Variants in SLC24A2 observed in about 807,000 individuals in gnomAD.
SLC24A2 encodes the protein solute carrier family 24 member 2.
SLC24A2 carries 36 observed loss-of-function variants against 62.0 expected under a neutral mutation model. That is an observed-to-expected ratio of 0.58 (90% CI 0.44 to 0.77). The LOEUF is 0.77. Among genes scored for constraint, SLC24A2 ranks in the 30% least tolerant of loss-of-function variants. The probability of loss-of-function intolerance (pLI) is 0.00; values close to 1 mark genes in which losing one functional copy is unlikely to be tolerated. For synonymous variants in SLC24A2, 358 were observed against 294.0 expected (o/e 1.22, Z -2.23); for missense variants, 846 against 817.9 (o/e 1.03, Z -0.42).
chr9:19,563,705 C>G (rs908647087), intron 7 of SLC24A2, among the ~76,000 whole-genome samples: 10 of 141,188 alleles, frequency 7.1e-5, no homozygotes, highest in Non-Finnish European at 1.2e-4. Flanking sequence ...TCCCTTACTT[C>G]CTTTTCCAAC....
chr9:20,071,784 G>A, the SLC24A2 span, among the ~76,000 whole-genome samples: 2 of 152,096 alleles, frequency 1.3e-5, no homozygotes, highest in African/African-American at 4.8e-5. Flanking sequence ...GGTGTCTGCT[G>A]CAGTCGCAAG....
At chr9:20,186,882 T>C in the SLC24A2 span, among the ~76,000 whole-genome samples, 7 of 152,208 alleles carry the variant, frequency 4.6e-5, no homozygotes, top group African/African-American at 1.7e-4. Context: ...CATCCATGCC[T>C]GTTTCTACAA....
chr9:19,823,268 T>C, the SLC24A2 span, among the ~76,000 whole-genome samples: 1 of 151,356 alleles, frequency 6.6e-6, no homozygotes, highest in Non-Finnish European at 1.5e-5. Flanking sequence ...AATTTATGAA[T>C]ACCCTCACCC....
intron 2 of SLC24A2, among the ~76,000 whole-genome samples, chr9:19,730,879 GTTTTT>G (rs67718224): frequency 6.7e-6 from 1 of 149,048 alleles, no homozygotes; most frequent in Admixed American, 6.7e-5. Flanking sequence ...TAACTCTTAG[GTTTTT>G]TTTTTTACCT....
At chr9:19,971,520 A>C in the SLC24A2 span, among the ~76,000 whole-genome samples, 1 of 152,180 alleles carries the variant, frequency 6.6e-6, no homozygotes, top group African/African-American at 2.4e-5. Context: ...ATTCTCACTT[A>C]AAAGAGATTA....
At chr9:19,668,086 T>C (rs1357501444) in intron 2 of SLC24A2, among the ~76,000 whole-genome samples, 1 of 152,208 alleles carries the variant, frequency 6.6e-6, no homozygotes, top group Non-Finnish European at 1.5e-5. Context: ...TTCTAAGTCA[T>C]TGTTGCCTCC....
At chr9:20,158,747 G>A in the SLC24A2 span, among the ~76,000 whole-genome samples, 1 of 151,470 alleles carries the variant, frequency 6.6e-6, no homozygotes, top group African/African-American at 2.4e-5. Flanking sequence ...AGAAGACTTG[G>A]TGCACTTATA....
the SLC24A2 span, among the ~76,000 whole-genome samples, chr9:19,960,938 C>G: frequency 6.6e-6 from 1 of 151,732 alleles, no homozygotes; most frequent in African/African-American, 2.4e-5. Flanking sequence ...ATTATTATTG[C>G]CCAACTACTT....
At chr9:20,236,582 T>C in the SLC24A2 span, among the ~76,000 whole-genome samples, 1 of 152,184 alleles carries the variant, frequency 6.6e-6, no homozygotes, top group African/African-American at 2.4e-5. Flanking sequence ...TTGAGAGACA[T>C]ACTGAGCAGG....
chr9:19,990,089 AAT>A, the SLC24A2 span, among the ~76,000 whole-genome samples: 1 of 152,238 alleles, frequency 6.6e-6, no homozygotes, highest in East Asian at 1.9e-4. Context: ...AAACATTTTC[AAT>A]ATTTTAGGTA....
At chr9:19,783,437 C>T (rs184567067) in intron 2 of SLC24A2, among the ~76,000 whole-genome samples, 66 of 152,142 alleles carry the variant, frequency 4.3e-4, no homozygotes, top group African/African-American at 1.5e-3. Flanking sequence ...TCTTTTTTTC[C>T]TAGATGTTTT....
intron 2 of SLC24A2, among the ~76,000 whole-genome samples, chr9:19,775,425 C>G (rs1184647444): frequency 6.6e-6 from 1 of 152,204 alleles, no homozygotes; most frequent in Non-Finnish European, 1.5e-5. Flanking sequence ...CGTTCTATCT[C>G]AGAGCCAGAG....
the SLC24A2 span, among the ~76,000 whole-genome samples, chr9:19,812,221 T>C: frequency 1.2e-4 from 18 of 152,174 alleles, no homozygotes; most frequent in Non-Finnish European, 2.4e-4. Flanking sequence ...TTTTTTCAAA[T>C]CACTTTTGGA....
At chr9:19,828,595 T>C in the SLC24A2 span, among the ~76,000 whole-genome samples, 9 of 152,152 alleles carry the variant, frequency 5.9e-5, no homozygotes, top group Non-Finnish European at 1.2e-4. Flanking sequence ...TAGGTTCACA[T>C]TGGGACTGGG....
rs1832662809 is a variant in SLC24A2, at chr9:19,510,147, G to A, written c.*6006C>T. 1 of 152,106 alleles carries A rather than the reference G, an allele frequency of 6.6e-6. No homozygotes were observed. Among genetic ancestry groups the A allele is most frequent in the Admixed American group, 6.6e-5 (1 of 15,252 alleles). 9.4% of individuals were successfully genotyped at this position (152,106 alleles called of 1,614,324 possible). A position where few individuals can be genotyped will look rare whatever the true frequency, so the allele number is the denominator to read the frequency against. ...TTATGACCTAATGACCTTAAAAGCA[G>A]TTTGTGACCTTGACTTCACCAGAGC... On this transcript the variant is annotated 3_prime_UTR_variant, in exon 11 of 11. Coordinates refer to ENST00000341998, the MANE Select transcript of SLC24A2 (RefSeq NM_020344.4).
the SLC24A2 span, among the ~76,000 whole-genome samples, chr9:20,263,374 C>T: frequency 1.3e-5 from 2 of 152,044 alleles, no homozygotes; most frequent in East Asian, 3.9e-4. Context: ...ACCTCAGCCT[C>T]CTGAGTAACT....
chr9:20,293,992 C>A, the SLC24A2 span, among the ~76,000 whole-genome samples: 2 of 152,120 alleles, frequency 1.3e-5, no homozygotes, highest in Non-Finnish European at 2.9e-5. Flanking sequence ...TATCTCTGGC[C>A]AGCCCATCTT....
the SLC24A2 span, among the ~76,000 whole-genome samples, chr9:19,899,073 G>T: frequency 6.6e-6 from 1 of 152,162 alleles, no homozygotes. Flanking sequence ...GTCATTCCCA[G>T]AAACCAGAGT....
At chr9:19,848,967 A>T in the SLC24A2 span, among the ~76,000 whole-genome samples, 1 of 152,246 alleles carries the variant, frequency 6.6e-6, no homozygotes, top group Non-Finnish European at 1.5e-5. Flanking sequence ...TACAAAGATA[A>T]ATAAAACGTG....
Sources: gnomAD v4.1 joint callset for allele counts (sites outside exome capture counted in the v4.1 genomes callset) on GRCh38, gnomAD v4.1.1 for gene constraint, MANE v1.5 for transcripts, NCBI Gene and HGNC (gene_info 2026-07-23, HGNC 2026-07-21) for gene names.